The following ADAMTSL3 variants were observed in gnomAD, a reference collection of about 807,000 sequenced individuals.
ADAMTSL3 encodes ADAMTS-like protein 3.
ADAMTSL3 carries 128 observed loss-of-function variants against 201.7 expected under a neutral mutation model. The ratio of observed to expected loss-of-function variants is 0.63; its 90% CI spans 0.55 to 0.73. The LOEUF (loss-of-function observed/expected upper bound fraction) is 0.73, where lower values mean the gene tolerates loss of function less well. Ranked by LOEUF, ADAMTSL3 falls within the 30% of genes least tolerant of loss-of-function variation. The pLI is 0.00. For missense variants in ADAMTSL3, 1,990 were observed against 2,119.6 expected (o/e 0.94, Z 1.20); for synonymous variants, 738 against 748.4 (o/e 0.99, Z 0.23).
intron 28 of ADAMTSL3, among the ~76,000 whole-genome samples, chr15:84,033,322 T>C (rs1419745893): frequency 6.6e-6 from 1 of 152,188 alleles, no homozygotes; most frequent in African/African-American, 2.4e-5. Flanking sequence ...GAGGTTTTAC[T>C]TGCTCTTAGG....
rs150484226 is a variant in ADAMTSL3 at position 83,806,519 on chromosome 15, T to C, written c.363+1824T>C. 2.2e-3 allele frequency among the ~76,000 whole-genome samples: 330 copies of C among 152,234 alleles called. 1 individual carries two copies. The highest frequency in any genetic ancestry group is 7.6e-3 in the African/African-American group (315 of 41,554). On this transcript the variant is annotated intron_variant, in intron 5 of 29. Transcript: ENST00000286744. ...TCCTTATAAAAGCTACTCTGTAAAA[T>C]TGGAAGCAAAAACGAATTCAGCAGA...
At chr15:83,820,452 C>T (rs1321768066) in intron 6 of ADAMTSL3, among the ~76,000 whole-genome samples, 1 of 152,282 alleles carries the variant, frequency 6.6e-6, no homozygotes, top group East Asian at 1.9e-4. Context: ...GTGTTGGGCT[C>T]ATCCCCCGGA....
At chr15:83,934,181 G>T (rs566723177) in intron 17 of ADAMTSL3, among the ~76,000 whole-genome samples, 9 of 152,182 alleles carry the variant, frequency 5.9e-5, no homozygotes, top group Admixed American at 2.0e-4. Flanking sequence ...TGGGAGGGGG[G>T]GCTGTACCCT....
At chr15:83,792,085 C>T (rs564280580) in intron 4 of ADAMTSL3, among the ~76,000 whole-genome samples, 3 of 152,120 alleles carry the variant, frequency 2.0e-5, no homozygotes, top group Non-Finnish European at 4.4e-5. Flanking sequence ...AAGAGATAAC[C>T]TACAGAATGG....
At chr15:83,985,442 T>C (rs2067457890) in intron 21 of ADAMTSL3, among the ~76,000 whole-genome samples, 2 of 152,172 alleles carry the variant, frequency 1.3e-5, no homozygotes, top group African/African-American at 4.8e-5. Context: ...GACTTTTTTG[T>C]CATAGTTTAT....
chr15:83,794,129 C>T (rs1253224580), intron 4 of ADAMTSL3, among the ~76,000 whole-genome samples: 1 of 152,164 alleles, frequency 6.6e-6, no homozygotes, highest in Admixed American at 6.5e-5. Flanking sequence ...ACCTACCTAT[C>T]AGAATAGCTT....
chr15:83,991,983 G>A (rs1311510212), intron 23 of ADAMTSL3, among the ~76,000 whole-genome samples: 1 of 152,150 alleles, frequency 6.6e-6, no homozygotes, highest in African/African-American at 2.4e-5. Flanking sequence ...GCGTTTTATT[G>A]CTTCCTTAGA....
rs545419401 is a variant in ADAMTSL3, at chr15:83,740,421, A to G, written c.190-33102A>G. Among the ~76,000 whole-genome samples the G allele has an allele frequency of 5.2e-5, 8 of 152,386 alleles. No individual in the cohort carries two copies. In the East Asian group the frequency reaches 1.5e-3, roughly 29 times the overall value. On this transcript the variant is annotated intron_variant, in intron 3 of 29. Coordinates refer to ENST00000286744, the MANE Select transcript of ADAMTSL3 (RefSeq NM_207517.3). ...AAAATACCTTTTTATGGGTTGATGA[A>G]GAATCCAAATTAAAATTACTAATTA...
At chr15:83,699,848 C>A (rs555612302) in intron 2 of ADAMTSL3, among the ~76,000 whole-genome samples, 4 of 152,188 alleles carry the variant, frequency 2.6e-5, no homozygotes, top group Non-Finnish European at 5.9e-5. Flanking sequence ...GAAATCTTAT[C>A]TTCCCATGGA....
intron 6 of ADAMTSL3, among the ~76,000 whole-genome samples, chr15:83,836,734 A>G (rs11259921): frequency 0.35 from 52,524 of 152,020 alleles, 10,154 homozygotes; most frequent in East Asian, 0.58. Flanking sequence ...ACTAGGCCCT[A>G]TGTGAAGTAT....
chr15:83,783,317 A>T (rs1401568089), intron 4 of ADAMTSL3, among the ~76,000 whole-genome samples: 2 of 152,004 alleles, frequency 1.3e-5, no homozygotes. Context: ...AAAATACTTG[A>T]TTGATCCAAA....
At chr15:83,708,709 C>T (rs1156578579) in intron 3 of ADAMTSL3, among the ~76,000 whole-genome samples, 1 of 152,212 alleles carries the variant, frequency 6.6e-6, no homozygotes, top group Non-Finnish European at 1.5e-5. Context: ...ACTCTTTCCA[C>T]TCTAAAATAG....
chr15:83,941,037 C>A (rs1185344019), intron 17 of ADAMTSL3, among the ~76,000 whole-genome samples: 1 of 151,832 alleles, frequency 6.6e-6, no homozygotes, highest in African/African-American at 2.4e-5. Context: ...TGTTAATATG[C>A]CAAGGGTTTA....
At chr15:83,679,870 G>A (rs2061454283) in intron 2 of ADAMTSL3, among the ~76,000 whole-genome samples, 1 of 152,128 alleles carries the variant, frequency 6.6e-6, no homozygotes, top group Non-Finnish European at 1.5e-5. Flanking sequence ...GTGGTTAAGG[G>A]GAGTGTTACT....
chr15:83,982,245 C>A, intron 20 of ADAMTSL3, 28 bp from the exon 21 acceptor site: 2 of 1,526,424 alleles, frequency 1.3e-6, no homozygotes, highest in East Asian at 2.3e-5. Context: ...TTCGTATTTT[C>A]TTTTCTTTCT....
intron 2 of ADAMTSL3, among the ~76,000 whole-genome samples, chr15:83,665,462 A>G (rs2061237041): frequency 6.6e-6 from 1 of 152,220 alleles, no homozygotes. Flanking sequence ...CCGTATATTC[A>G]TACTCTAAAA....
chr15:83,812,736 T>C (rs1243123991), intron 5 of ADAMTSL3, among the ~76,000 whole-genome samples: 4 of 152,224 alleles, frequency 2.6e-5, no homozygotes, highest in Non-Finnish European at 5.9e-5. Flanking sequence ...TTGTTGTCTA[T>C]ACGTGTTGAC....
At position 83,906,618 on chromosome 15, in the gene ADAMTSL3, CACACCACA is replaced by C. The variant is rs1307219973; in HGVS notation, c.1701-6473_1701-6466del. 2.0e-3 allele frequency among the ~76,000 whole-genome samples: 52 copies of C among 25,620 alleles called. 1 individual carries two copies. The East Asian group carries it at 0.069, about 34-fold the overall frequency. 16.8% of individuals were successfully genotyped at this position (25,620 alleles called of 152,430 possible). On this transcript the variant is annotated intron_variant, in intron 15 of 29. Transcript: ENST00000286744. ...GTATCTATATATTTATATAGTGCCA[CACACCACA>C]CACACACACACACACACACACACAC...
chr15:83,797,442 A>T (rs1202721279), intron 4 of ADAMTSL3, among the ~76,000 whole-genome samples: 2 of 152,030 alleles, frequency 1.3e-5, no homozygotes, highest in Admixed American at 1.3e-4. Flanking sequence ...CATTTCTAAA[A>T]ATACAAAAAT....
Sources: gnomAD v4.1 joint callset for allele counts (sites outside exome capture counted in the v4.1 genomes callset) on GRCh38, gnomAD v4.1.1 for gene constraint, MANE v1.5 for transcripts, NCBI Gene and HGNC (gene_info 2026-07-23, HGNC 2026-07-21) for gene names.